Variants in ARL3 observed in about 807,000 individuals in gnomAD.
The protein encoded by ARL3 is ARF like GTPase 3.
Under a neutral mutation model 26.0 loss-of-function variants are expected in ARL3, and 9 were observed. The ratio of observed to expected loss-of-function variants is 0.35; its 90% CI spans 0.21 to 0.60. ARL3 has a LOEUF of 0.60. Ranked by LOEUF, ARL3 falls within the 20% of genes least tolerant of loss-of-function variation. The pLI is 0.78. For synonymous variants in ARL3, 71 were observed against 78.4 expected (o/e 0.91, Z 0.50); for missense variants, 158 against 215.7 (o/e 0.73, Z 1.67).
intron 1 of ARL3, among the ~76,000 whole-genome samples, chr10:102,708,545 C>G (rs1279011064): frequency 1.3e-5 from 2 of 152,026 alleles, no homozygotes; most frequent in Non-Finnish European, 2.9e-5. Context: ...GAAGGAAGAT[C>G]TGTTTCCTAT....
chr10:102,708,469 A>C (rs944206416), intron 1 of ARL3, among the ~76,000 whole-genome samples: 1 of 152,156 alleles, frequency 6.6e-6, no homozygotes, highest in African/African-American at 2.4e-5. Context: ...GAATTTATCA[A>C]ATTAGTACAT....
At chr10:102,698,019 G>A (rs1564732027) in intron 3 of ARL3, among the ~76,000 whole-genome samples, 2 of 152,146 alleles carry the variant, frequency 1.3e-5, no homozygotes, top group Admixed American at 1.3e-4. Flanking sequence ...AAGGGAGGCT[G>A]AGGAATGGGA....
At chr10:102,681,379 C>T (rs532051935) in intron 5 of ARL3, among the ~76,000 whole-genome samples, 117 of 116,960 alleles carry the variant, frequency 1.0e-3, no homozygotes, top group African/African-American at 3.5e-3. Flanking sequence ...GCAAGAAGAG[C>T]GAAACTCCAT....
chr10:102,702,748 G>C (rs1302946477), intron 2 of ARL3, among the ~76,000 whole-genome samples: 1 of 152,158 alleles, frequency 6.6e-6, no homozygotes, highest in East Asian at 1.9e-4. Context: ...AGCCCTTCTA[G>C]GCTAGATTAC....
chr10:102,707,671 T>C (rs2064316613), intron 1 of ARL3, among the ~76,000 whole-genome samples: 1 of 152,250 alleles, frequency 6.6e-6, no homozygotes, highest in Admixed American at 6.5e-5. Flanking sequence ...TACGCAAATA[T>C]GCATAATTAT....
intron 2 of ARL3, among the ~76,000 whole-genome samples, chr10:102,702,635 T>TA (rs1268040956): frequency 1.3e-5 from 2 of 151,986 alleles, no homozygotes; most frequent in Non-Finnish European, 2.9e-5. Flanking sequence ...TTGCTAATAC[T>TA]AAAAAAACAA....
At chr10:102,702,102 G>A (rs2136006584) in intron 2 of ARL3, among the ~76,000 whole-genome samples, 1 of 151,834 alleles carries the variant, frequency 6.6e-6, no homozygotes, top group South Asian at 2.1e-4. Flanking sequence ...GAGGTGGGAA[G>A]ATTGCTTGAA....
chr10:102,709,551 A>G (rs2064327150), intron 1 of ARL3, among the ~76,000 whole-genome samples: 1 of 149,688 alleles, frequency 6.7e-6, no homozygotes, highest in Admixed American at 6.7e-5. Context: ...GGAGGCTGAG[A>G]CAGAAGGATG....
chr10:102,690,918 G>C (rs1332624022), intron 3 of ARL3, among the ~76,000 whole-genome samples: 4 of 129,452 alleles, frequency 3.1e-5, no homozygotes, highest in Admixed American at 1.7e-4. Context: ...ATGGGGTCTT[G>C]CTATGTTACC....
At chr10:102,683,136 A>G (rs2064164800) in intron 5 of ARL3, among the ~76,000 whole-genome samples, 1 of 152,180 alleles carries the variant, frequency 6.6e-6, no homozygotes, top group Admixed American at 6.5e-5. Context: ...TTAAGGCAAA[A>G]ACCAGGAAGC....
Position 102,675,857 on chromosome 10 carries a change from G to A in ARL3, c.*1037C>T, listed in dbSNP as rs779697500. 7 of 152,446 alleles carry A rather than the reference G, an allele frequency of 4.6e-5. No homozygotes were observed. The highest frequency in any genetic ancestry group is 8.8e-5 in the Non-Finnish European group (6 of 68,010). 9.4% of individuals were successfully genotyped at this position (152,446 alleles called of 1,614,324 possible). On this transcript the variant is annotated 3_prime_UTR_variant, in exon 6 of 6. Coordinates refer to ENST00000260746, the MANE Select transcript of ARL3 (RefSeq NM_004311.4). The stretch of plus-strand genomic sequence containing the variant: ...CACTGTAAAAATTGATCTAAAAATC[G>A]ATCTGCCTGGCTTTTCTCAGTGGAG...
chr10:102,693,733 A>T (rs2064232222), intron 3 of ARL3, among the ~76,000 whole-genome samples: 1 of 151,990 alleles, frequency 6.6e-6, no homozygotes, highest in African/African-American at 2.4e-5. Context: ...GGAGTGCAGT[A>T]GTGATCACAG....
At chr10:102,685,709 T>A (rs2064180281) in intron 5 of ARL3, 107 bp downstream of exon 5, 2 of 1,216,062 alleles carry the variant, frequency 1.6e-6, no homozygotes, top group South Asian at 1.5e-5. Context: ...ATGCCCTTCA[T>A]ATCTTGGAAT....
chr10:102,696,731 C>T (rs977100034), intron 3 of ARL3, among the ~76,000 whole-genome samples: 5 of 152,216 alleles, frequency 3.3e-5, no homozygotes, highest in African/African-American at 9.6e-5. Context: ...GCATTGTTTC[C>T]GGAGGAATGG....
intron 5 of ARL3, among the ~76,000 whole-genome samples, chr10:102,681,749 C>A (rs2064157102): frequency 6.6e-6 from 1 of 152,158 alleles, no homozygotes. Flanking sequence ...GTGACCATGG[C>A]TAGAGGTCAG....
intron 3 of ARL3, among the ~76,000 whole-genome samples, chr10:102,696,471 G>A (rs1401680942): frequency 6.8e-6 from 1 of 148,022 alleles, no homozygotes; most frequent in Non-Finnish European, 1.5e-5. Context: ...TCACCATCTT[G>A]GCCAGGCTGG....
At chr10:102,696,748 C>T (rs2064250602) in intron 3 of ARL3, among the ~76,000 whole-genome samples, 1 of 152,168 alleles carries the variant, frequency 6.6e-6, no homozygotes, top group South Asian at 2.1e-4. Flanking sequence ...ATGGGACTCC[C>T]ATTTACTGAG....
chr10:102,699,250 C>T (rs561594678), intron 3 of ARL3, 123 bp downstream of exon 3: 1 of 709,442 alleles, frequency 1.4e-6, no homozygotes, highest in South Asian at 1.5e-5. Flanking sequence ...GCTATCCCTG[C>T]TAAATTCACA....
intron 3 of ARL3, 124 bp downstream of exon 3, chr10:102,699,249 G>A (rs2064265375): frequency 4.2e-6 from 3 of 706,342 alleles, no homozygotes; most frequent in Non-Finnish European, 7.6e-6. Context: ...TGCTATCCCT[G>A]CTAAATTCAC....
Sources: allele counts gnomAD v4.1 joint callset (sites outside exome capture counted in the v4.1 genomes callset), GRCh38; gene constraint gnomAD v4.1.1; transcripts MANE v1.5; gene names NCBI Gene and HGNC (gene_info 2026-07-23, HGNC 2026-07-21).